Variants in TEX36 observed in about 807,000 individuals in gnomAD.
TEX36 encodes the protein testis expressed 36.
A neutral mutation model predicts 13.6 loss-of-function variants in TEX36; 12 were observed. That is an observed-to-expected ratio of 0.88 (90% CI 0.56 to 1.43). The LOEUF (loss-of-function observed/expected upper bound fraction) is 1.43. Among genes scored for constraint, TEX36 ranks in the 40% most tolerant of loss-of-function variants. TEX36 has a pLI of 0.00. For synonymous variants in TEX36, 93 were observed against 83.0 expected, an observed-to-expected ratio of 1.12 and a Z score of -0.65; for missense variants, 224 against 228.3, an observed-to-expected ratio of 0.98 and a Z score of 0.12.
chr10:125,607,811 A>G (rs965539737), intron 3 of TEX36, among the ~76,000 whole-genome samples: 7 of 151,984 alleles, frequency 4.6e-5, no homozygotes, highest in Admixed American at 4.6e-4. Flanking sequence ...AATGAGCTGA[A>G]CCGCCTCCAT....
chr10:125,635,484 C>T (rs895707540), intron 3 of TEX36, among the ~76,000 whole-genome samples: 2 of 152,344 alleles, frequency 1.3e-5, no homozygotes, highest in Admixed American at 6.5e-5. Flanking sequence ...CAAGACCAGC[C>T]TTGACAACTG....
chr10:125,677,858 T>A (rs1847334670), intron 1 of TEX36, among the ~76,000 whole-genome samples: 1 of 152,124 alleles, frequency 6.6e-6, no homozygotes, highest in South Asian at 2.1e-4. Context: ...ATTTTTGTAT[T>A]GTTAGTAGAG....
downstream of TEX36, among the ~76,000 whole-genome samples, chr10:125,617,245 G>C (rs1846372554): frequency 6.6e-6 from 1 of 151,550 alleles, no homozygotes; most frequent in Non-Finnish European, 1.5e-5. Context: ...TATCCAATTT[G>C]CCAGTCTGTG....
chr10:125,603,378 A>AG (rs1240082725), intron 3 of TEX36, among the ~76,000 whole-genome samples: 2 of 151,982 alleles, frequency 1.3e-5, no homozygotes, highest in East Asian at 3.9e-4. Flanking sequence ...AAAGCCCTTG[A>AG]GCTCCCCTCT....
chr10:125,658,743 T>C (rs905924808), intron 3 of TEX36, among the ~76,000 whole-genome samples: 7 of 151,988 alleles, frequency 4.6e-5, no homozygotes, highest in South Asian at 2.1e-4. Context: ...TTTAACCATA[T>C]AGATAATTCA....
At chr10:125,681,139 C>A (rs1423969671) in intron 1 of TEX36, among the ~76,000 whole-genome samples, 1 of 152,148 alleles carries the variant, frequency 6.6e-6, no homozygotes, top group East Asian at 1.9e-4. Flanking sequence ...GTCCTTTGAC[C>A]TTCCTCTTAT....
rs139986279 is a variant in TEX36 at position 125,678,549 on chromosome 10, C to A, written c.51+4390G>T. Among the ~76,000 whole-genome samples the A allele has an allele frequency of 1.1e-3, 172 of 152,190 alleles. 1 individual carries two copies. Among genetic ancestry groups the A allele is most frequent in the Middle Eastern group, 3.4e-3 (1 of 294 alleles). ...CTAGTAGTGGCAGCAATGAACGAGG[C>A]AGGTGGGTGGGTTCTCAGGCCCCTA... On this transcript the variant is annotated intron_variant, in intron 1 of 3. Coordinates refer to ENST00000368821, the MANE Select transcript of TEX36 (RefSeq NM_001128202.3).
In TEX36 at chr10:125,603,725, T is replaced by C. The variant is rs115725481; in HGVS notation, c.265-26851A>G. ...CGTCAAAAGGACAACGTATCCACAG[T>C]TCCCTTATGCAGTCCTAATATTGAA... On this transcript the variant is annotated intron_variant, in intron 3 of 3. Coordinates refer to the TEX36 transcript ENST00000532135. Among the ~76,000 whole-genome samples the C allele has an allele frequency of 2.4e-3, 366 of 152,146 alleles. 2 individuals are homozygous for C. The highest frequency in any genetic ancestry group is 8.4e-3 in the African/African-American group (347 of 41,508).
chr10:125,609,742 C>T (rs1444993428), intron 3 of TEX36, among the ~76,000 whole-genome samples: 1 of 152,146 alleles, frequency 6.6e-6, no homozygotes. Context: ...CAGCAGCAAC[C>T]CCATCCTAAC....
intron 1 of TEX36, among the ~76,000 whole-genome samples, chr10:125,669,075 G>C (rs1480485165): frequency 6.6e-6 from 1 of 151,980 alleles, no homozygotes; most frequent in Non-Finnish European, 1.5e-5. Context: ...GGCAGATCAC[G>C]AGGTCAAGAG....
rs138133857 is a variant in TEX36, at chr10:125,625,914, G to A, written c.265-4269C>T. ...GCTCCCTCTGGTCATGGGTTCTGTC[G>A]GAGTTGGTATAGTGGACACCGAGGT... On this transcript the variant is annotated intron_variant, in intron 3 of 3. Transcript: ENST00000526819. 9.5e-3 allele frequency among the ~76,000 whole-genome samples: 1,452 copies of A among 152,270 alleles called. 7 individuals are homozygous for A. Among genetic ancestry groups the A allele is most frequent in the Middle Eastern group, 0.024 (7 of 294 alleles).
intron 3 of TEX36, among the ~76,000 whole-genome samples, chr10:125,639,097 T>C (rs1055841539): frequency 6.6e-6 from 1 of 152,252 alleles, no homozygotes; most frequent in Non-Finnish European, 1.5e-5. Context: ...TTCAAATGAA[T>C]TCCTTATCTG....
intron 1 of TEX36, among the ~76,000 whole-genome samples, chr10:125,676,977 G>A (rs528393508): frequency 1.3e-5 from 2 of 152,324 alleles, no homozygotes; most frequent in African/African-American, 2.4e-5. Context: ...GCTAGAAATA[G>A]CATTCTTGAC....
rs932782346 is a variant in TEX36 at position 125,667,657 on chromosome 10, G to C, written c.52-5680C>G. 10 of 718,300 alleles carry C rather than the reference G, an allele frequency of 1.4e-5. No individual in the cohort carries two copies. In the African/African-American group the frequency reaches 1.7e-4, roughly 12 times the overall value. 44.5% of individuals were successfully genotyped at this position (718,300 alleles called of 1,614,324 possible). A position where few individuals can be genotyped will look rare whatever the true frequency, so the allele number is the denominator to read the frequency against. ...TGCCCCCAACACCACCCTTGGACAT[G>C]ACAACTTGGGGGAAAGGACGCCCAT... On this transcript the variant is annotated intron_variant, in intron 1 of 3. Transcript: ENST00000368821.
At chr10:125,632,513 G>A (rs145084588) in intron 3 of TEX36, among the ~76,000 whole-genome samples, 48 of 152,260 alleles carry the variant, frequency 3.2e-4, no homozygotes, top group East Asian at 2.1e-3. Context: ...CACAAAATGC[G>A]TTCAGGAAGA....
intron 1 of TEX36, among the ~76,000 whole-genome samples, chr10:125,665,718 AT>A (rs1847110474): frequency 6.6e-6 from 1 of 151,904 alleles, no homozygotes; most frequent in Non-Finnish European, 1.5e-5. Context: ...GAATTTTAAG[AT>A]TGTTTTTTCT....
chr10:125,664,016 G>T lies in TEX36; in HGVS notation c.52-2039C>A, dbSNP rs115733600. 7.6e-3 allele frequency among the ~76,000 whole-genome samples: 1,149 copies of T among 152,164 alleles called. 14 individuals are homozygous for T. Among genetic ancestry groups the T allele is most frequent in the South Asian group, 0.037 (178 of 4,820 alleles). ...CTCACCACTACCTTTCCTAGCCTCT[G>T]ATAACCATCATTCTACTCTCTATGA... On this transcript the variant is annotated intron_variant, in intron 1 of 3. Coordinates refer to ENST00000368821, the MANE Select transcript of TEX36 (RefSeq NM_001128202.3).
At chr10:125,611,673 T>G (rs1323351869) in intron 3 of TEX36, among the ~76,000 whole-genome samples, 4 of 152,160 alleles carry the variant, frequency 2.6e-5, no homozygotes, top group African/African-American at 9.7e-5. Context: ...TGCCTTTTAC[T>G]TTTGCATATG....
rs576044196 is a variant in TEX36, at chr10:125,640,158, AG to A, written c.265-18514del. ...CCCCTGCAGATGTTACAGCCAGATCAGTGCCCAAGTGGAGTAGAAATCATTG... is the reference window on the plus strand; with the variant it reads ...CCCCTGCAGATGTTACAGCCAGATCATGCCCAAGTGGAGTAGAAATCATTG... On this transcript the variant is annotated intron_variant, in intron 3 of 3. Transcript: ENST00000526819. 2.2e-4 allele frequency: 213 copies of A among 985,452 alleles called. 2 individuals carry two copies. The African/African-American group carries it at 3.6e-3, about 17-fold the overall frequency. 61.0% of individuals were successfully genotyped at this position (985,452 alleles called of 1,614,324 possible). A position where few individuals can be genotyped will look rare whatever the true frequency, so the allele number is the denominator to read the frequency against.
Sources: allele counts gnomAD v4.1 joint callset (sites outside exome capture counted in the v4.1 genomes callset), GRCh38; gene constraint gnomAD v4.1.1; transcripts MANE v1.5; gene names NCBI Gene and HGNC (gene_info 2026-07-23, HGNC 2026-07-21).